CNBD1: variants seen among roughly 807,000 people sequenced by gnomAD.
CNBD1 encodes cyclic nucleotide-binding domain-containing protein 1.
CNBD1 carries 71 observed loss-of-function variants against 54.4 expected under a neutral mutation model. The ratio of observed to expected loss-of-function variants is 1.30; its 90% CI spans 1.08 to 1.59. The LOEUF is 1.59. Ranked by LOEUF, CNBD1 falls within the 40% of genes most tolerant of loss-of-function variation. The probability of loss-of-function intolerance (pLI) is 0.00; values close to 1 mark genes in which losing one functional copy is unlikely to be tolerated. For synonymous variants in CNBD1, 182 were observed against 170.7 expected, an observed-to-expected ratio of 1.07 and a Z score of -0.51; for missense variants, 659 against 518.0, an observed-to-expected ratio of 1.27 and a Z score of -2.64.
chr8:87,295,557 C>G lies in CNBD1; in HGVS notation c.1042+8886C>G, dbSNP rs184754345. On this transcript the variant is annotated intron_variant, in intron 8 of 10. Coordinates refer to ENST00000518476, the MANE Select transcript of CNBD1 (RefSeq NM_173538.3). Reference sequence around the variant, plus strand: ...AATGGAACACTCATCTATTCAAATTCCCCATGAGTAGATGGAGCTTTTCAT... The same window carrying G: ...AATGGAACACTCATCTATTCAAATTGCCCATGAGTAGATGGAGCTTTTCAT... Among the ~76,000 whole-genome samples the G allele has an allele frequency of 3.5e-3, 533 of 152,094 alleles. 2 individuals are homozygous for G. Among genetic ancestry groups the G allele is most frequent in the African/African-American group, 0.011 (462 of 41,544 alleles).
chr8:86,955,575 A>G (rs543462646), intron 4 of CNBD1, among the ~76,000 whole-genome samples: 16 of 152,254 alleles, frequency 1.1e-4, no homozygotes, highest in African/African-American at 2.6e-4. Flanking sequence ...GCATTTCTCT[A>G]ATGGCCAGTG....
chr8:86,884,127 G>T, intron 1 of CNBD1, among the ~76,000 whole-genome samples: 1 of 151,650 alleles, frequency 6.6e-6, no homozygotes, highest in African/African-American at 2.4e-5. Flanking sequence ...ACTCCAGCCT[G>T]GGCGACAGAG....
rs58232099 is a variant in CNBD1 at position 87,238,729 on chromosome 8, A to G, written c.771+1617A>G. Among the ~76,000 whole-genome samples, 235 of 152,152 alleles carry G rather than the reference A, an allele frequency of 1.5e-3. 5 individuals are homozygous for G. In the East Asian group the frequency reaches 0.035, roughly 23 times the overall value. ...TATCTACCTACCTACCGGCCTATTT[A>G]TATACCAAGTCAGATTCTCAGATTT... On this transcript the variant is annotated intron_variant, in intron 6 of 10. Coordinates refer to ENST00000518476, the MANE Select transcript of CNBD1 (RefSeq NM_173538.3).
chr8:87,113,608 A>G (rs1049248997), intron 4 of CNBD1, among the ~76,000 whole-genome samples: 1 of 152,202 alleles, frequency 6.6e-6, no homozygotes, highest in African/African-American at 2.4e-5. Context: ...GCTAATTGAT[A>G]TCTTTTACTT....
chr8:86,882,249 TG>T (rs1330709117), intron 1 of CNBD1, among the ~76,000 whole-genome samples: 1 of 151,994 alleles, frequency 6.6e-6, no homozygotes, highest in Admixed American at 6.6e-5. Flanking sequence ...GCCTACAGAA[TG>T]GGAGAAAAAT....
chr8:86,989,871 T>C (rs192492467), intron 4 of CNBD1, among the ~76,000 whole-genome samples: 11 of 152,278 alleles, frequency 7.2e-5, no homozygotes, highest in Non-Finnish European at 1.6e-4. Context: ...TTATTGCCTC[T>C]CCTTTGAATA....
chr8:87,382,023 C>G (rs1354639336), intron 10 of CNBD1, among the ~76,000 whole-genome samples: 2 of 151,662 alleles, frequency 1.3e-5, no homozygotes, highest in Non-Finnish European at 2.9e-5. Flanking sequence ...GATAATATAA[C>G]ATTTTAAAAA....
rs575592702 is a variant in CNBD1 at position 87,238,222 on chromosome 8, G to T, written c.771+1110G>T. Among the ~76,000 whole-genome samples the T allele has an allele frequency of 4.4e-4, 67 of 152,190 alleles. 2 individuals are homozygous for T. The South Asian group carries it at 0.013, about 29-fold the overall frequency. ...TTCAATTTCCTATCTTGGCCAGAGT[G>T]GGGGAAAGGGTAGAGAGAAGTTTCA... On this transcript the variant is annotated intron_variant, in intron 6 of 10. Coordinates refer to ENST00000518476, the MANE Select transcript of CNBD1 (RefSeq NM_173538.3).
intron 10 of CNBD1, among the ~76,000 whole-genome samples, chr8:87,375,153 G>C (rs1055902532): frequency 1.3e-5 from 2 of 151,750 alleles, no homozygotes; most frequent in African/African-American, 4.8e-5. Context: ...GTATGGTTTT[G>C]AATAGTACTA....
At chr8:87,370,216 G>A (rs1810748033) in intron 10 of CNBD1, among the ~76,000 whole-genome samples, 1 of 151,990 alleles carries the variant, frequency 6.6e-6, no homozygotes, top group African/African-American at 2.4e-5. Context: ...ATAGCAGCAT[G>A]ATTTGTAGTC....
intron 8 of CNBD1, among the ~76,000 whole-genome samples, chr8:87,343,827 C>G (rs900872609): frequency 1.2e-4 from 18 of 152,040 alleles, no homozygotes; most frequent in African/African-American, 4.3e-4. Flanking sequence ...GTCTGAAATA[C>G]AGTTTTGTAT....
At chr8:86,990,735 TA>T (rs1277379119) in intron 4 of CNBD1, among the ~76,000 whole-genome samples, 1 of 152,212 alleles carries the variant, frequency 6.6e-6, no homozygotes, top group Non-Finnish European at 1.5e-5. Context: ...AAGAATTTAA[TA>T]TGTGTTTTGA....
At chr8:86,870,744 G>C (rs762944757) in intron 1 of CNBD1, among the ~76,000 whole-genome samples, 2 of 152,032 alleles carry the variant, frequency 1.3e-5, no homozygotes, top group Non-Finnish European at 2.9e-5. Flanking sequence ...AAAAAAAGGA[G>C]GCTTGTCAGT....
intron 8 of CNBD1, among the ~76,000 whole-genome samples, chr8:87,324,697 T>C (rs1338794673): frequency 6.6e-6 from 1 of 151,848 alleles, no homozygotes; most frequent in Non-Finnish European, 1.5e-5. Context: ...TCTCTCTTTT[T>C]TTCTTAGTAG....
intron 4 of CNBD1, among the ~76,000 whole-genome samples, chr8:86,973,494 A>G (rs895185775): frequency 2.6e-5 from 4 of 152,202 alleles, no homozygotes; most frequent in Non-Finnish European, 5.9e-5. Flanking sequence ...CATATAATTC[A>G]TGGCACAGTA....
chr8:87,336,502 T>G (rs1408845182), intron 8 of CNBD1, among the ~76,000 whole-genome samples: 1 of 152,176 alleles, frequency 6.6e-6, no homozygotes, highest in East Asian at 1.9e-4. Flanking sequence ...TTGATCCTTG[T>G]GTATGCTTCA....
chr8:87,091,076 GT>G (rs1324928889), intron 4 of CNBD1, among the ~76,000 whole-genome samples: 4 of 147,290 alleles, frequency 2.7e-5, no homozygotes, highest in Non-Finnish European at 4.5e-5. Flanking sequence ...GGAGGTAGAG[GT>G]TGCAGTGAGG....
chr8:87,366,997 A>G (rs1810654978), intron 10 of CNBD1, among the ~76,000 whole-genome samples: 1 of 151,970 alleles, frequency 6.6e-6, no homozygotes, highest in South Asian at 2.1e-4. Context: ...AAGGTAGTAC[A>G]TTTTCCTCCC....
intron 3 of CNBD1, among the ~76,000 whole-genome samples, chr8:86,921,752 G>A (rs1457235683): frequency 1.3e-5 from 2 of 152,152 alleles, no homozygotes; most frequent in Non-Finnish European, 2.9e-5. Context: ...GGAATTATGG[G>A]AACTACAATT....
Sources: allele counts gnomAD v4.1 joint callset (sites outside exome capture counted in the v4.1 genomes callset), GRCh38; gene constraint gnomAD v4.1.1; transcripts MANE v1.5; gene names NCBI Gene and HGNC (gene_info 2026-07-23, HGNC 2026-07-21).